NRG1: variants seen among roughly 807,000 people sequenced by gnomAD.
NRG1 encodes neuregulin 1.
NRG1 carries 18 observed loss-of-function variants against 63.8 expected under a neutral mutation model. That is an observed-to-expected ratio of 0.28 (90% CI 0.19 to 0.42). NRG1 has a LOEUF of 0.42. NRG1 is among the 10% of genes least tolerant of loss of function. The pLI, the probability that NRG1 is intolerant of heterozygous loss-of-function variation, is 1.00. For synonymous variants in NRG1, 302 were observed against 301.3 expected (o/e 1.00, Z -0.02); for missense variants, 762 against 814.7 (o/e 0.94, Z 0.79).
chr8:32,346,921 C>G (rs1804975431), intron 1 of NRG1, among the ~76,000 whole-genome samples: 1 of 151,956 alleles, frequency 6.6e-6, no homozygotes, highest in East Asian at 1.9e-4. Flanking sequence ...GCTCCACCTT[C>G]CAGGTTCATG....
At chr8:31,732,311 A>G (rs147021718) in intron 1 of NRG1, among the ~76,000 whole-genome samples, 3 of 152,272 alleles carry the variant, frequency 2.0e-5, no homozygotes, top group Non-Finnish European at 4.4e-5. Context: ...TACTTCACTC[A>G]TTGAAAGCAG....
At chr8:32,313,560 G>A (rs1031232252) in intron 1 of NRG1, among the ~76,000 whole-genome samples, 3 of 152,118 alleles carry the variant, frequency 2.0e-5, no homozygotes, top group Non-Finnish European at 4.4e-5. Context: ...TATGAGCTTG[G>A]GCCTTGTCTG....
rs543522972 is a variant in NRG1 at position 32,054,863 on chromosome 8, C to CTTTTTTT, written c.37+415469_37+415475dup. ...CCTTGAAAAGCAGATTTCTTTCTTTCTTTTTTTTTTTTTTTTTTTTTTTTT... is the reference window on the plus strand; with the variant it reads ...CCTTGAAAAGCAGATTTCTTTCTTTCTTTTTTTTTTTTTTTTTTTTTTTTTTTTTTTT... On this transcript the variant is annotated intron_variant, in intron 1 of 10. Transcript: ENST00000519301. Among the ~76,000 whole-genome samples the CTTTTTTT allele has an allele frequency of 8.8e-4, 56 of 64,000 alleles. 4 individuals carry two copies. Among genetic ancestry groups the CTTTTTTT allele is most frequent in the African/African-American group, 3.0e-3 (50 of 16,398 alleles). 42.0% of individuals were successfully genotyped at this position (64,000 alleles called of 152,430 possible). A position where few individuals can be genotyped will look rare whatever the true frequency, so the allele number is the denominator to read the frequency against.
At chr8:31,919,705 T>G (rs1231079094) in intron 1 of NRG1, among the ~76,000 whole-genome samples, 1 of 152,108 alleles carries the variant, frequency 6.6e-6, no homozygotes. Flanking sequence ...CATGGAACAA[T>G]GCATTCTGCT....
At chr8:32,467,452 C>T (rs1823212853) in intron 1 of NRG1, among the ~76,000 whole-genome samples, 1 of 152,138 alleles carries the variant, frequency 6.6e-6, no homozygotes, top group South Asian at 2.1e-4. Flanking sequence ...CTGAGTTCTG[C>T]AATAGATGCC....
chr8:32,402,562 C>T (rs1010725811), intron 1 of NRG1, among the ~76,000 whole-genome samples: 9 of 152,142 alleles, frequency 5.9e-5, no homozygotes, highest in African/African-American at 1.9e-4. Context: ...TCTATGCCTC[C>T]GACCTGTTAG....
intron 1 of NRG1, among the ~76,000 whole-genome samples, chr8:32,244,724 G>T (rs544755614): frequency 3.3e-5 from 5 of 152,190 alleles, no homozygotes; most frequent in African/African-American, 4.8e-5. Flanking sequence ...GACTGAGCAG[G>T]GTCTAAGAAA....
chr8:32,157,614 G>T (rs1246482729), intron 1 of NRG1, among the ~76,000 whole-genome samples: 1 of 151,332 alleles, frequency 6.6e-6, no homozygotes, highest in African/African-American at 2.4e-5. Context: ...AGCAGAGATT[G>T]TGCCATTGCA....
chr8:31,693,273 A>G (rs141280646), intron 1 of NRG1, among the ~76,000 whole-genome samples: 106 of 152,338 alleles, frequency 7.0e-4, no homozygotes, highest in African/African-American at 2.5e-3. Flanking sequence ...AGAAAATTCT[A>G]TAATCTTTGG....
chr8:32,557,120 C>T (rs1835332888), intron 1 of NRG1, among the ~76,000 whole-genome samples: 1 of 152,144 alleles, frequency 6.6e-6, no homozygotes, highest in South Asian at 2.1e-4. Context: ...ATTCTCCTGC[C>T]TCAGCCTCCC....
intron 1 of NRG1, among the ~76,000 whole-genome samples, chr8:31,748,961 G>A (rs1196965250): frequency 6.6e-6 from 1 of 151,858 alleles, no homozygotes; most frequent in African/African-American, 2.4e-5. Flanking sequence ...GCATAAAGAT[G>A]TTAATCACAG....
rs117482036 is a variant in NRG1, at chr8:31,677,055, G to A, written c.37+37624G>A. 9.5e-3 allele frequency among the ~76,000 whole-genome samples: 1,447 copies of A among 152,202 alleles called. 45 individuals are homozygous for A. The South Asian group carries it at 0.12, about 12-fold the overall frequency. On this transcript the variant is annotated intron_variant, in intron 1 of 10. Coordinates refer to the NRG1 transcript ENST00000519301. ...CATTTAACTACTCAATTCTAAACCT[G>A]AATGTTTGCCATGTGCTCCATTTTC...
intron 1 of NRG1, among the ~76,000 whole-genome samples, chr8:32,055,060 T>C (rs1487878701): frequency 1.3e-5 from 2 of 151,648 alleles, no homozygotes; most frequent in East Asian, 3.9e-4. Flanking sequence ...GCTAATTTTT[T>C]TGTATTTTTA....
At chr8:32,727,828 C>T in intron 5 of NRG1, 121 bp from the exon 6 acceptor site, 1 of 928,426 alleles carries the variant, frequency 1.1e-6, no homozygotes, top group South Asian at 1.8e-5. Context: ...GTAAGGTCTG[C>T]AAGTTTAGTG....
intron 1 of NRG1, among the ~76,000 whole-genome samples, chr8:31,905,621 T>A (rs570448646): frequency 6.2e-4 from 95 of 152,286 alleles, no homozygotes; most frequent in African/African-American, 2.0e-3. Flanking sequence ...ATAAACTCAG[T>A]TGGAAAAAAC....
chr8:31,910,534 T>A lies in NRG1; in HGVS notation c.37+271103T>A, dbSNP rs374285029. On this transcript the variant is annotated intron_variant, in intron 1 of 10. Coordinates refer to the NRG1 transcript ENST00000519301. The stretch of plus-strand genomic sequence containing the variant: ...CCAGAACAGTCCAGCAGAGAGATGA[T>A]GTTGGGAGCAAATAAAGAATTCCAC... 1.8e-4 allele frequency among the ~76,000 whole-genome samples: 28 copies of A among 152,220 alleles called. 1 individual carries two copies. Among genetic ancestry groups the A allele is most frequent in the African/African-American group, 6.5e-4 (27 of 41,554 alleles).
rs1400485893 is a variant in NRG1, at chr8:32,429,774, C to G, written c.38-166054C>G. ...TACATCTGTTATATGGTTTACCATC[C>G]ATCCACTTCCTTGCTATAGCTCCAG... On this transcript the variant is annotated intron_variant, in intron 1 of 10. Coordinates refer to the NRG1 transcript ENST00000519301. Among the ~76,000 whole-genome samples, 3 of 152,164 alleles carry G rather than the reference C, an allele frequency of 2.0e-5. No individual in the cohort carries two copies. In the East Asian group the frequency reaches 5.8e-4, roughly 29 times the overall value.
At chr8:31,731,647 A>T (rs2131356413) in intron 1 of NRG1, among the ~76,000 whole-genome samples, 1 of 152,282 alleles carries the variant, frequency 6.6e-6, no homozygotes, top group East Asian at 1.9e-4. Flanking sequence ...TAAACAGAAC[A>T]TAACTCAGTT....
intron 1 of NRG1, among the ~76,000 whole-genome samples, chr8:32,500,219 A>C (rs553091841): frequency 3.0e-4 from 45 of 152,344 alleles, no homozygotes; most frequent in Admixed American, 2.6e-3. Context: ...ACTTTTAATA[A>C]GGACTCTCAG....
Sources: gnomAD v4.1 joint callset for allele counts (sites outside exome capture counted in the v4.1 genomes callset) on GRCh38, gnomAD v4.1.1 for gene constraint, MANE v1.5 for transcripts, NCBI Gene and HGNC (gene_info 2026-07-23, HGNC 2026-07-21) for gene names.